The following LGR6 variants were observed in gnomAD, a reference collection of about 807,000 sequenced individuals.
LGR6 encodes the protein leucine rich repeat containing G protein-coupled receptor 6, also known as leucine-rich repeat-containing G protein-coupled receptor 6.
Under a neutral mutation model 69.4 loss-of-function variants are expected in LGR6, and 45 were observed. The observed-to-expected ratio is 0.65, with a 90% confidence interval of 0.51 to 0.83. LGR6 has a LOEUF of 0.83. LGR6 is among the 40% of genes least tolerant of loss of function. The pLI is 0.00. For missense variants in LGR6, 1,108 were observed against 1,246.7 expected (o/e 0.89, Z 1.68); for synonymous variants, 538 against 555.0 (o/e 0.97, Z 0.43).
At chr1:202,274,278 C>T (rs1314637457) in intron 4 of LGR6, among the ~76,000 whole-genome samples, 2 of 152,168 alleles carry the variant, frequency 1.3e-5, no homozygotes, top group Non-Finnish European at 2.9e-5. Flanking sequence ...TATTTAAAAA[C>T]ATTGAGTGCC....
chr1:202,209,605 C>T (rs1659384578), intron 1 of LGR6, among the ~76,000 whole-genome samples: 1 of 152,164 alleles, frequency 6.6e-6, no homozygotes, highest in Non-Finnish European at 1.5e-5. Flanking sequence ...TCAGCCTGGT[C>T]AATACTTAGT....
At chr1:202,204,567 A>C (rs62642837) in intron 1 of LGR6, among the ~76,000 whole-genome samples, 841 of 5,908 alleles carry the variant, frequency 0.14, no homozygotes, top group Middle Eastern at 0.3. Context: ...TCCAAACACA[A>C]ACACACCTAA....
intron 3 of LGR6, among the ~76,000 whole-genome samples, chr1:202,234,753 T>C (rs1056984485): frequency 6.6e-6 from 1 of 152,216 alleles, no homozygotes; most frequent in African/African-American, 2.4e-5. Context: ...TAGCCATTCC[T>C]ATTATTAAAC....
chr1:202,303,620 C>T (rs774805186), intron 10 of LGR6, among the ~76,000 whole-genome samples: 2 of 152,184 alleles, frequency 1.3e-5, no homozygotes, highest in Non-Finnish European at 2.9e-5. Flanking sequence ...TAACCCCAAG[C>T]CACAGGTACA....
At chr1:202,238,411 C>A (rs914626984) in intron 4 of LGR6, among the ~76,000 whole-genome samples, 3 of 106,858 alleles carry the variant, frequency 2.8e-5, no homozygotes, top group African/African-American at 1.0e-4. Context: ...CCAGCCTGAT[C>A]CTTTTTTTTT....
In LGR6 at chr1:202,236,038, G is replaced by A. The variant is rs767309660; in HGVS notation, c.428+45G>A. 4 of 1,548,274 alleles carry A rather than the reference G, an allele frequency of 2.6e-6. No homozygotes were observed. The East Asian group carries it at 9.0e-5, about 35-fold the overall frequency. ...GTCTGGGAGTCACCAGCTTCCTGGGGCCTGAGTCACAGCCCAGGGCCCCCT... is the reference window on the plus strand; with the variant it reads ...GTCTGGGAGTCACCAGCTTCCTGGGACCTGAGTCACAGCCCAGGGCCCCCT... On this transcript the variant is annotated intron_variant, in intron 4 of 17. Transcript: ENST00000367278.
intron 4 of LGR6, among the ~76,000 whole-genome samples, chr1:202,270,924 G>A (rs972184593): frequency 2.6e-5 from 4 of 152,150 alleles, no homozygotes; most frequent in Non-Finnish European, 5.9e-5. Context: ...AGCTGGGGGA[G>A]TATGAGAAGC....
chr1:202,220,061 G>A (rs955436675), intron 1 of LGR6, among the ~76,000 whole-genome samples: 4 of 151,764 alleles, frequency 2.6e-5, no homozygotes, highest in African/African-American at 9.7e-5. Context: ...TGTATTTTTA[G>A]TAGAGACAGG....
At chr1:202,242,554 T>A (rs1369273873) in intron 4 of LGR6, among the ~76,000 whole-genome samples, 1 of 152,182 alleles carries the variant, frequency 6.6e-6, no homozygotes, top group African/African-American at 2.4e-5. Context: ...CTGGCTCTGC[T>A]CTTGAATTGT....
At chr1:202,289,471 T>A (rs1666633146) in intron 6 of LGR6, among the ~76,000 whole-genome samples, 1 of 152,202 alleles carries the variant, frequency 6.6e-6, no homozygotes, top group Non-Finnish European at 1.5e-5. Flanking sequence ...CAGAGATCAG[T>A]CATTTTCATT....
In LGR6 at chr1:202,319,323, G is replaced by T. The variant is rs1007729428; in HGVS notation, c.*116G>T. On this transcript the variant is annotated 3_prime_UTR_variant, in exon 18 of 18. Coordinates refer to ENST00000367278, the MANE Select transcript of LGR6 (RefSeq NM_001017403.2). ...AACTCAGCAGTGTGATCTATAGCAG[G>T]ATGGCCCAGTCCCTGGCTCCACTGA... 1.7e-6 allele frequency: 2 copies of T among 1,183,082 alleles called. No individual in the cohort carries two copies. The allele number at this position is 1,183,082 out of a possible 1,614,324, so 73.3% of individuals were successfully genotyped here. A position where few individuals can be genotyped will look rare whatever the true frequency, so the allele number is the denominator to read the frequency against.
intron 10 of LGR6, 141 bp from the exon 11 acceptor site, chr1:202,304,418 C>A (rs1667827271): frequency 2.0e-6 from 1 of 511,620 alleles, no homozygotes. Context: ...AGCCCCACCC[C>A]CTGCCCTGTC....
At chr1:202,259,484 G>A (rs956277530) in intron 4 of LGR6, among the ~76,000 whole-genome samples, 6 of 152,148 alleles carry the variant, frequency 3.9e-5, no homozygotes, top group African/African-American at 1.4e-4. Flanking sequence ...AGATAGTTTT[G>A]AGCATTATCT....
At chr1:202,236,864 G>A (rs1661608237) in intron 4 of LGR6, among the ~76,000 whole-genome samples, 1 of 152,108 alleles carries the variant, frequency 6.6e-6, no homozygotes, top group African/African-American at 2.4e-5. Flanking sequence ...CTCAGACTTT[G>A]GCGCTGTTCA....
intron 1 of LGR6, among the ~76,000 whole-genome samples, chr1:202,218,646 G>A (rs950186686): frequency 1.3e-5 from 2 of 152,190 alleles, no homozygotes; most frequent in African/African-American, 4.8e-5. Context: ...CAATGCCAAC[G>A]GAGCCCCCAC....
At chr1:202,286,351 T>G (rs1256866234) in intron 6 of LGR6, among the ~76,000 whole-genome samples, 1 of 152,210 alleles carries the variant, frequency 6.6e-6, no homozygotes, top group Non-Finnish European at 1.5e-5. Context: ...CACTAGTCAC[T>G]GGGCAAATAA....
intron 9 of LGR6, 74 bp from the exon 10 acceptor site, chr1:202,303,205 A>T: frequency 8.6e-7 from 1 of 1,164,458 alleles, no homozygotes; most frequent in Admixed American, 1.7e-5. Flanking sequence ...AGGGGAGACA[A>T]AATGGAGAAT....
chr1:202,230,377 G>C (rs1660924065), intron 3 of LGR6, among the ~76,000 whole-genome samples: 1 of 151,988 alleles, frequency 6.6e-6, no homozygotes, highest in African/African-American at 2.4e-5. Context: ...AAGGGAGTCA[G>C]CTACTGCAGG....
rs374809410 is a variant in LGR6, at chr1:202,318,834, G to A, written c.2531G>A (p.Arg844His). Residue 844 changes from arginine to histidine, a missense_variant, in exon 18 of 18, where the codon CGC (arginine) becomes CAC (histidine). Arg to His is a conservative substitution (Grantham distance 29). Transcript: ENST00000367278. Reference sequence around the variant, plus strand: ...GATGACCTTCGGCGGCTTCGGCCCCGCGCAGGGGACTCAGGGCCCCTAGCC... The same window carrying A: ...GATGACCTTCGGCGGCTTCGGCCCCACGCAGGGGACTCAGGGCCCCTAGCC... ...FRDDLRRLRP[R>H]AGDSGPLAYA... 351 of 1,613,108 alleles carry A rather than the reference G, an allele frequency of 2.2e-4. 1 individual carries two copies. The highest frequency in any genetic ancestry group is 2.7e-4 in the Non-Finnish European group (319 of 1,179,724).
Sources: gnomAD v4.1 joint callset for allele counts (sites outside exome capture counted in the v4.1 genomes callset) on GRCh38, gnomAD v4.1.1 for gene constraint, MANE v1.5 for transcripts, NCBI Gene and HGNC (gene_info 2026-07-23, HGNC 2026-07-21) for gene names.